SLC1A2: variants seen among roughly 807,000 people sequenced by gnomAD.
The protein encoded by SLC1A2 is excitatory amino acid transporter 2.
In SLC1A2, 15 loss-of-function variants were observed where a neutral mutation model predicts 48.8. That is an observed-to-expected ratio of 0.31 (90% CI 0.21 to 0.47). The LOEUF is 0.47. Among genes scored for constraint, SLC1A2 ranks in the 20% least tolerant of loss-of-function variants. SLC1A2 has a pLI of 0.99. For synonymous variants in SLC1A2, 279 were observed against 272.6 expected (o/e 1.02, Z -0.23); for missense variants, 502 against 730.5 (o/e 0.69, Z 3.61).
At chr11:35,371,309 T>C (rs1854055939) in intron 1 of SLC1A2, among the ~76,000 whole-genome samples, 1 of 152,168 alleles carries the variant, frequency 6.6e-6, no homozygotes, top group South Asian at 2.1e-4. Flanking sequence ...CCTAGTGACA[T>C]AGGCAAGTAT....
intron 5 of SLC1A2, among the ~76,000 whole-genome samples, chr11:35,305,812 G>A (rs1851483190): frequency 6.6e-6 from 1 of 152,196 alleles, no homozygotes; most frequent in African/African-American, 2.4e-5. Flanking sequence ...GAGAGTCAGG[G>A]AATGTGCCCA....
intron 6 of SLC1A2, chr11:35,298,387 A>G (rs1012684813): frequency 4.6e-5 from 7 of 152,222 alleles, no homozygotes; most frequent in African/African-American, 1.7e-4. Context: ...TGCTATTATT[A>G]CTATTATAAC....
intron 9 of SLC1A2, among the ~76,000 whole-genome samples, chr11:35,273,908 G>C (rs959259167): frequency 8.5e-5 from 13 of 152,208 alleles, no homozygotes; most frequent in African/African-American, 2.9e-4. Flanking sequence ...AAGTCAGGAT[G>C]CAGGCCATGA....
chr11:35,346,025 AG>A (rs1403705148), intron 1 of SLC1A2, among the ~76,000 whole-genome samples: 1 of 152,180 alleles, frequency 6.6e-6, no homozygotes, highest in Non-Finnish European at 1.5e-5. Context: ...ATTAAGCATA[AG>A]AGCTGCAACA....
chr11:35,268,448 G>A (rs942718697), intron 9 of SLC1A2, among the ~76,000 whole-genome samples: 1 of 152,092 alleles, frequency 6.6e-6, no homozygotes, highest in Non-Finnish European at 1.5e-5. Flanking sequence ...AGGCTGAGGT[G>A]GGCGGATCAC....
chr11:35,390,291 C>T (rs1363534232), intron 1 of SLC1A2, among the ~76,000 whole-genome samples: 1 of 152,154 alleles, frequency 6.6e-6, no homozygotes, highest in Non-Finnish European at 1.5e-5. Context: ...CACACAGGCA[C>T]GTGCACACAC....
At chr11:35,313,915 C>A (rs1457424838) in intron 3 of SLC1A2, among the ~76,000 whole-genome samples, 1 of 152,202 alleles carries the variant, frequency 6.6e-6, no homozygotes, top group African/African-American at 2.4e-5. Context: ...TCACTCACTT[C>A]TTTCATGAGG....
At chr11:35,372,773 T>C (rs997981854) in intron 1 of SLC1A2, among the ~76,000 whole-genome samples, 6 of 152,354 alleles carry the variant, frequency 3.9e-5, no homozygotes, top group African/African-American at 1.4e-4. Context: ...CAATAATTCT[T>C]GTAATTATAA....
rs115751272 is a variant in SLC1A2, at chr11:35,344,367, G to A, written c.18-26851C>T. On this transcript the variant is annotated intron_variant, in intron 1 of 10. Transcript: ENST00000278379. ...AAGTTACAGTGACCATGTGGATCTT[G>A]GGGAAAAGTATTCTGAGAAGGAACA... Among the ~76,000 whole-genome samples the A allele has an allele frequency of 6.8e-3, 1,042 of 152,266 alleles. 12 individuals carry two copies. Among genetic ancestry groups the A allele is most frequent in the African/African-American group, 0.024 (984 of 41,546 alleles).
chr11:35,349,789 G>C (rs1210149851), intron 1 of SLC1A2, among the ~76,000 whole-genome samples: 2 of 152,192 alleles, frequency 1.3e-5, no homozygotes, highest in South Asian at 2.1e-4. Context: ...GGAGGGGATT[G>C]AGCGGGGAAC....
At chr11:35,418,064 C>G (rs1855664891) in intron 1 of SLC1A2, among the ~76,000 whole-genome samples, 1 of 152,200 alleles carries the variant, frequency 6.6e-6, no homozygotes, top group Non-Finnish European at 1.5e-5. Flanking sequence ...CATTGCCACT[C>G]AGGTTCTACG....
intron 1 of SLC1A2, among the ~76,000 whole-genome samples, chr11:35,379,679 G>A (rs1565289489): frequency 6.6e-6 from 1 of 152,188 alleles, no homozygotes; most frequent in Non-Finnish European, 1.5e-5. Flanking sequence ...ACTTATGGAT[G>A]GAAACAATGC....
intron 6 of SLC1A2, chr11:35,299,645 C>A: frequency 6.6e-6 from 1 of 152,076 alleles, no homozygotes. Context: ...ATCAGCTATC[C>A]CACTCGTTCC....
rs144304759 is a variant in SLC1A2, at chr11:35,394,742, G to C, written c.17+24208C>G. ...GCCAAATGGCCTGGAGGCTTGGAGA[G>C]GCACAGTACTGGGTGCTGAGTCCCA... On this transcript the variant is annotated intron_variant, in intron 1 of 10. Coordinates refer to ENST00000278379, the MANE Select transcript of SLC1A2 (RefSeq NM_004171.4). Among the ~76,000 whole-genome samples, 41 of 152,338 alleles carry C rather than the reference G, an allele frequency of 2.7e-4. 1 individual carries two copies. The East Asian group carries it at 7.9e-3, about 29-fold the overall frequency.
intron 1 of SLC1A2, among the ~76,000 whole-genome samples, chr11:35,408,962 C>T (rs1855381205): frequency 6.6e-6 from 1 of 152,212 alleles, no homozygotes; most frequent in Non-Finnish European, 1.5e-5. Flanking sequence ...TTGGCTTGCT[C>T]TACCTTCTGT....
Position 35,419,012 on chromosome 11 carries a change from G to A in SLC1A2, c.-46C>T. 6.5e-7 allele frequency: 1 copy of A among 1,536,072 alleles called. No homozygotes were observed. The highest frequency in any genetic ancestry group is 8.8e-7 in the Non-Finnish European group (1 of 1,136,446). On this transcript the variant is annotated 5_prime_UTR_variant, in exon 1 of 11. Transcript: ENST00000278379. The surrounding 1 kb of genome is among the most constrained non-coding windows in gnomAD (Gnocchi z 5.4). ...CTCTTCAGCACTATCCGGCAGCTGTGGGCGAGGGAGAAAGCGGACGCCGGG... is the reference window on the plus strand; with the variant it reads ...CTCTTCAGCACTATCCGGCAGCTGTAGGCGAGGGAGAAAGCGGACGCCGGG...
intron 1 of SLC1A2, among the ~76,000 whole-genome samples, chr11:35,373,074 G>A (rs547873060): frequency 3.9e-5 from 6 of 152,312 alleles, no homozygotes; most frequent in African/African-American, 1.4e-4. Context: ...TACAACCCAG[G>A]GATCCACATT....
intron 9 of SLC1A2, among the ~76,000 whole-genome samples, chr11:35,266,134 C>T (rs909806620): frequency 6.6e-6 from 1 of 152,204 alleles, no homozygotes; most frequent in Non-Finnish European, 1.5e-5. Flanking sequence ...ACACACCTAG[C>T]TGAGTACAGC....
chr11:35,306,354 A>G, intron 4 of SLC1A2, 112 bp from the exon 5 acceptor site: 3 of 714,300 alleles, frequency 4.2e-6, no homozygotes, highest in Non-Finnish European at 6.7e-6. Context: ...AACAATAATT[A>G]AGAAATGCCA....
Sources: allele counts gnomAD v4.1 joint callset (sites outside exome capture counted in the v4.1 genomes callset), GRCh38; gene constraint gnomAD v4.1.1; non-coding constraint Gnocchi (gnomAD v3.1); transcripts MANE v1.5; gene names NCBI Gene and HGNC (gene_info 2026-07-23, HGNC 2026-07-21).